Variants in WDR25 observed in about 807,000 individuals in gnomAD.
WDR25 encodes the protein WD repeat-containing protein 25.
A neutral mutation model predicts 47.7 loss-of-function variants in WDR25; 35 were observed. The observed-to-expected ratio is 0.73, with a 90% CI of 0.56 to 0.97. WDR25 has a LOEUF of 0.97. WDR25 is among the 50% of genes least tolerant of loss of function. The pLI, the probability that WDR25 is intolerant of heterozygous loss-of-function variation, is 0.00. For synonymous variants in WDR25, 248 were observed against 278.9 expected (o/e 0.89, Z 1.10); for missense variants, 634 against 704.7 (o/e 0.90, Z 1.14).
Position 100,432,957 on chromosome 14 carries a change from A to G in WDR25, c.823-35064A>G, listed in dbSNP as rs137964928. On this transcript the variant is annotated intron_variant, in intron 2 of 6. Transcript: ENST00000402312. ...GTGGCTGTGCTGAATACTGTAGGCA[A>G]TTGGAACACAATGGGGCATTTGTGT... 8.5e-5 allele frequency among the ~76,000 whole-genome samples: 13 copies of G among 152,288 alleles called. No homozygotes were observed. The East Asian group carries it at 2.5e-3, about 29-fold the overall frequency.
At chr14:100,480,081 T>C (rs1900149992) in intron 3 of WDR25, among the ~76,000 whole-genome samples, 2 of 152,234 alleles carry the variant, frequency 1.3e-5, no homozygotes, top group Non-Finnish European at 2.9e-5. Flanking sequence ...ACTCTTGTAG[T>C]TGAAGAATAG....
At chr14:100,477,819 C>T (rs1900067190) in intron 3 of WDR25, among the ~76,000 whole-genome samples, 1 of 152,194 alleles carries the variant, frequency 6.6e-6, no homozygotes, top group Non-Finnish European at 1.5e-5. Context: ...CAGCCGGGCG[C>T]CGTGGCTCAC....
intron 2 of WDR25, among the ~76,000 whole-genome samples, chr14:100,461,506 G>A (rs994900641): frequency 2.6e-5 from 4 of 152,184 alleles, no homozygotes; most frequent in Non-Finnish European, 5.9e-5. Context: ...TAAATGGAGA[G>A]AGACATCCTG....
chr14:100,455,995 G>A (rs1300956959), intron 2 of WDR25, among the ~76,000 whole-genome samples: 1 of 152,120 alleles, frequency 6.6e-6, no homozygotes, highest in Non-Finnish European at 1.5e-5. Context: ...AGGAGGTGGG[G>A]TATCTTTGAT....
intron 2 of WDR25, among the ~76,000 whole-genome samples, chr14:100,452,631 T>A (rs1438672355): frequency 2.0e-5 from 3 of 151,632 alleles, no homozygotes; most frequent in Non-Finnish European, 4.4e-5. Context: ...GCTGCTACAG[T>A]GGAGTCAGGG....
chr14:100,411,855 C>A (rs149231644), intron 2 of WDR25, among the ~76,000 whole-genome samples: 1 of 152,152 alleles, frequency 6.6e-6, no homozygotes, highest in Non-Finnish European at 1.5e-5. Flanking sequence ...CTTTTTATCA[C>A]GGCAACTATT....
intron 2 of WDR25, among the ~76,000 whole-genome samples, chr14:100,437,024 G>A (rs1296632485): frequency 6.6e-6 from 1 of 152,222 alleles, no homozygotes; most frequent in Admixed American, 6.5e-5. Flanking sequence ...CACTGGGGCT[G>A]TGCCTTAGCC....
chr14:100,519,232 G>GT lies in WDR25; in HGVS notation c.1102-6631dup, dbSNP rs201921810. ...AGTTGCTTTTAAAATTTTGTCCAGA[G>GT]TTTTTTTGTGTGTGTGTGTGTAATT... On this transcript the variant is annotated intron_variant, in intron 4 of 6. Coordinates refer to ENST00000402312, the MANE Select transcript of WDR25 (RefSeq NM_001161476.3). Among the ~76,000 whole-genome samples the GT allele has an allele frequency of 8.2e-4, 124 of 150,376 alleles. 1 individual carries two copies. Among genetic ancestry groups the GT allele is most frequent in the African/African-American group, 2.1e-3 (86 of 40,096 alleles).
At chr14:100,526,698 G>A (rs878953138) in intron 5 of WDR25, among the ~76,000 whole-genome samples, 7 of 89,540 alleles carry the variant, frequency 7.8e-5, no homozygotes, top group African/African-American at 2.1e-4. Flanking sequence ...CACCATCATC[G>A]TCACCATCAG....
intron 2 of WDR25, among the ~76,000 whole-genome samples, chr14:100,435,173 A>G (rs1337248394): frequency 6.6e-6 from 1 of 152,196 alleles, no homozygotes; most frequent in Non-Finnish European, 1.5e-5. Context: ...CACAGATGTG[A>G]GCTGGTCCTA....
chr14:100,435,022 G>A (rs1254859283), intron 2 of WDR25, among the ~76,000 whole-genome samples: 1 of 152,192 alleles, frequency 6.6e-6, no homozygotes, highest in Non-Finnish European at 1.5e-5. Context: ...AGGTGCATGA[G>A]AACTGTGCAG....
In WDR25 at chr14:100,468,531, T is replaced by G. The variant is rs1160194913; in HGVS notation, c.970+363T>G. Reference sequence around the variant, plus strand: ...GGTTGGAATCAGGTTAGAATTCCTGTCAATTCATTATCGTTGAAAGTCTGT... The same window carrying G: ...GGTTGGAATCAGGTTAGAATTCCTGGCAATTCATTATCGTTGAAAGTCTGT... On this transcript the variant is annotated intron_variant, in intron 3 of 6. Transcript: ENST00000402312. The surrounding 1 kb of genome is among the most constrained non-coding windows in gnomAD (Gnocchi z 4.5). 6.6e-6 allele frequency among the ~76,000 whole-genome samples: 1 copy of G among 152,222 alleles called. No homozygotes were observed. The highest frequency in any genetic ancestry group is 1.5e-5 in the Non-Finnish European group (1 of 68,044).
intron 2 of WDR25, among the ~76,000 whole-genome samples, chr14:100,391,075 C>G (rs369939266): frequency 1.3e-5 from 2 of 152,142 alleles, no homozygotes; most frequent in Non-Finnish European, 2.9e-5. Flanking sequence ...CTCTTCCCCC[C>G]CAGGGTGTTG....
chr14:100,436,306 C>T (rs138475228), intron 2 of WDR25, among the ~76,000 whole-genome samples: 11 of 152,264 alleles, frequency 7.2e-5, no homozygotes, highest in African/African-American at 2.4e-4. Context: ...CACCTGGGCC[C>T]GCCTTTTCAC....
chr14:100,484,519 C>T (rs796748725), intron 4 of WDR25, among the ~76,000 whole-genome samples: 7 of 151,644 alleles, frequency 4.6e-5, no homozygotes, highest in South Asian at 4.2e-4. Context: ...TGCATGCTTG[C>T]GAGAGGAAGG....
chr14:100,378,426 C>A (rs1004610659), intron 1 of WDR25, among the ~76,000 whole-genome samples: 3 of 152,126 alleles, frequency 2.0e-5, no homozygotes, highest in Admixed American at 2.0e-4. Context: ...CTCGGCCTCC[C>A]AAAGTGCTGG....
intron 2 of WDR25, among the ~76,000 whole-genome samples, chr14:100,418,408 C>T (rs978152725): frequency 2.6e-5 from 4 of 151,296 alleles, no homozygotes; most frequent in African/African-American, 7.3e-5. Context: ...CCGAGGTGGG[C>T]GGATCACGAG....
chr14:100,379,528 C>T (rs1486048019), intron 1 of WDR25, among the ~76,000 whole-genome samples: 1 of 151,706 alleles, frequency 6.6e-6, no homozygotes, highest in Non-Finnish European at 1.5e-5. Flanking sequence ...GCTGGGACTA[C>T]AGGCGCCTGC....
chr14:100,495,606 G>A (rs1900706086), intron 4 of WDR25, among the ~76,000 whole-genome samples: 1 of 152,176 alleles, frequency 6.6e-6, no homozygotes, highest in Non-Finnish European at 1.5e-5. Flanking sequence ...GGTTCCTGTG[G>A]AAATTTCTGC....
Sources: gnomAD v4.1 joint callset for allele counts (sites outside exome capture counted in the v4.1 genomes callset) on GRCh38, gnomAD v4.1.1 for gene constraint, Gnocchi (gnomAD v3.1) non-coding constraint, MANE v1.5 for transcripts, NCBI Gene and HGNC (gene_info 2026-07-23, HGNC 2026-07-21) for gene names.